Variants in MRTFB observed in about 807,000 individuals in gnomAD.
MRTFB encodes myocardin related transcription factor B.
A neutral mutation model predicts 104.2 loss-of-function variants in MRTFB; 29 were observed. The ratio of observed to expected loss-of-function variants is 0.28; its 90% CI spans 0.21 to 0.38. The LOEUF is 0.38. Ranked by LOEUF, MRTFB falls within the 10% of genes least tolerant of loss-of-function variation. The probability of loss-of-function intolerance (pLI) is 1.00; values close to 1 mark genes in which losing one functional copy is unlikely to be tolerated. For synonymous variants in MRTFB, 535 were observed against 519.5 expected, an observed-to-expected ratio of 1.03 and a Z score of -0.41; for missense variants, 1,270 against 1,341.6, an observed-to-expected ratio of 0.95 and a Z score of 0.83.
chr16:14,082,083 GT>G (rs2034446608), intron 2 of MRTFB, among the ~76,000 whole-genome samples: 1 of 152,164 alleles, frequency 6.6e-6, no homozygotes, highest in Non-Finnish European at 1.5e-5. Flanking sequence ...TATTGCCTGT[GT>G]TTTGGGGTTC....
the MRTFB span, among the ~76,000 whole-genome samples, chr16:13,999,639 G>C: frequency 9.2e-5 from 14 of 152,146 alleles, no homozygotes; most frequent in African/African-American, 3.4e-4. Flanking sequence ...TAGGGGCTGT[G>C]GGGGAGCATC....
chr16:14,249,621 G>T (rs2043169658), intron 13 of MRTFB, among the ~76,000 whole-genome samples: 1 of 152,178 alleles, frequency 6.6e-6, no homozygotes, highest in Admixed American at 6.5e-5. Flanking sequence ...CTGAGAGTCA[G>T]TTACCTCATC....
intron 2 of MRTFB, among the ~76,000 whole-genome samples, chr16:14,136,087 A>T (rs2037705450): frequency 1.3e-5 from 2 of 152,226 alleles, no homozygotes; most frequent in East Asian, 3.9e-4. Context: ...CCTGGCCAAC[A>T]TGGTGAGATC....
At chr16:14,050,833 GATA>G in the MRTFB span, among the ~76,000 whole-genome samples, 8 of 152,148 alleles carry the variant, frequency 5.3e-5, no homozygotes, top group East Asian at 1.5e-3. Context: ...TGGAGGTCTC[GATA>G]ATACTGTCTT....
At chr16:14,053,585 G>A in the MRTFB span, among the ~76,000 whole-genome samples, 3 of 151,990 alleles carry the variant, frequency 2.0e-5, no homozygotes, top group Admixed American at 6.6e-5. Flanking sequence ...ACAAAAATTA[G>A]CCGGGCGTGG....
At chr16:14,063,435 T>C in the MRTFB span, among the ~76,000 whole-genome samples, 63 of 152,326 alleles carry the variant, frequency 4.1e-4, no homozygotes, top group African/African-American at 1.3e-3. Context: ...GTTTGGTGTA[T>C]GTATTATGTC....
At chr16:14,077,272 T>C (rs1241234509) in intron 1 of MRTFB, among the ~76,000 whole-genome samples, 1 of 152,222 alleles carries the variant, frequency 6.6e-6, no homozygotes, top group Non-Finnish European at 1.5e-5. Flanking sequence ...TAGGATTTAT[T>C]CTGGTGTTCA....
intron 2 of MRTFB, among the ~76,000 whole-genome samples, chr16:14,125,941 A>G (rs1421803126): frequency 6.6e-6 from 1 of 152,218 alleles, no homozygotes; most frequent in Non-Finnish European, 1.5e-5. Flanking sequence ...CATTTCCAGC[A>G]CAGAAATTGT....
At chr16:14,171,049 T>A (rs1330627367) in intron 3 of MRTFB, among the ~76,000 whole-genome samples, 2 of 152,244 alleles carry the variant, frequency 1.3e-5, no homozygotes, top group East Asian at 1.9e-4. Flanking sequence ...TTTGGCCACC[T>A]CCTTCAAGCT....
the MRTFB span, among the ~76,000 whole-genome samples, chr16:14,017,742 G>T: frequency 1.2e-5 from 1 of 85,590 alleles, no homozygotes. Flanking sequence ...TTTGAGACAG[G>T]GTCTCTCTCT....
At chr16:14,008,832 A>G in the MRTFB span, among the ~76,000 whole-genome samples, 1 of 151,010 alleles carries the variant, frequency 6.6e-6, no homozygotes, top group South Asian at 2.1e-4. Flanking sequence ...CCATTTATTT[A>G]GGTCTTCTTT....
chr16:14,257,043 C>T (rs899333404), intron 15 of MRTFB, among the ~76,000 whole-genome samples: 9 of 152,136 alleles, frequency 5.9e-5, no homozygotes, highest in South Asian at 2.1e-4. Flanking sequence ...TGTGCAATAC[C>T]GCTACACACC....
intron 3 of MRTFB, among the ~76,000 whole-genome samples, chr16:14,182,069 G>A (rs1316918952): frequency 3.3e-5 from 5 of 152,220 alleles, no homozygotes; most frequent in Non-Finnish European, 7.3e-5. Context: ...CCAAATGACA[G>A]TGAAGATGAT....
At chr16:14,151,520 T>C (rs1188129030) in intron 3 of MRTFB, 1 of 152,220 alleles carries the variant, frequency 6.6e-6, no homozygotes, top group Non-Finnish European at 1.5e-5. Context: ...TTTCAGAATT[T>C]TCACCATGAT....
chr16:14,162,803 G>T (rs1468758094), intron 3 of MRTFB, among the ~76,000 whole-genome samples: 1 of 152,200 alleles, frequency 6.6e-6, no homozygotes, highest in Admixed American at 6.5e-5. Context: ...CCTGATGCCA[G>T]TTGTGTGGAT....
At chr16:14,050,008 C>G in the MRTFB span, among the ~76,000 whole-genome samples, 2 of 152,214 alleles carry the variant, frequency 1.3e-5, no homozygotes, top group East Asian at 1.9e-4. Flanking sequence ...GCTGGGATTA[C>G]AGGCGTGAGC....
At chr16:14,255,306 T>C (rs2043431555) in intron 15 of MRTFB, among the ~76,000 whole-genome samples, 1 of 152,226 alleles carries the variant, frequency 6.6e-6, no homozygotes, top group African/African-American at 2.4e-5. Context: ...AGATGCTCGA[T>C]AAACAAGCTG....
chr16:14,173,634 A>T (rs1050584415), intron 3 of MRTFB, among the ~76,000 whole-genome samples: 1 of 152,076 alleles, frequency 6.6e-6, no homozygotes, highest in African/African-American at 2.4e-5. Flanking sequence ...TGGAATTTTC[A>T]GGCATTATTT....
At chr16:14,129,444 T>C (rs879425706) in intron 2 of MRTFB, among the ~76,000 whole-genome samples, 2 of 152,246 alleles carry the variant, frequency 1.3e-5, no homozygotes, top group Non-Finnish European at 2.9e-5. Context: ...ATTTTGTTTA[T>C]CCGTTCACTA....
Sources: allele counts gnomAD v4.1 joint callset (sites outside exome capture counted in the v4.1 genomes callset), GRCh38; gene constraint gnomAD v4.1.1; transcripts MANE v1.5; gene names NCBI Gene and HGNC (gene_info 2026-07-23, HGNC 2026-07-21).